RBFOX1: variants seen among roughly 807,000 people sequenced by gnomAD.
RBFOX1 encodes the protein RNA binding protein fox-1 homolog 1.
In RBFOX1, 8 loss-of-function variants were observed where a neutral mutation model predicts 57.7. The observed-to-expected ratio is 0.14, with a 90% confidence interval of 0.08 to 0.25. RBFOX1 has a LOEUF of 0.25. RBFOX1 is among the 10% of genes least tolerant of loss of function. RBFOX1 has a pLI of 1.00. For synonymous variants in RBFOX1, 326 were observed against 222.4 expected (o/e 1.47, Z -4.15); for missense variants, 611 against 548.5 (o/e 1.11, Z -1.14).
chr16:5,514,191 G>T (rs1421170104), intron 2 of RBFOX1, among the ~76,000 whole-genome samples: 1 of 152,156 alleles, frequency 6.6e-6, no homozygotes, highest in Non-Finnish European at 1.5e-5. Flanking sequence ...TGGCAATCCT[G>T]CTGGCTTGAC....
rs555562584 is a variant in RBFOX1 at position 5,243,279 on chromosome 16, C to T, written c.219+3174C>T. ...AGATTTCTGTGTTGTCAGGTGGAAC[C>T]GAGCATTCAAGGGTAATAACTCACT... is the stretch of plus-strand genomic sequence containing the variant. On this transcript the variant is annotated intron_variant, in intron 1 of 2. Transcript: ENST00000585867. 5.9e-5 allele frequency among the ~76,000 whole-genome samples: 9 copies of T among 152,232 alleles called. No homozygotes were observed. The South Asian group carries it at 1.9e-3, about 32-fold the overall frequency.
At chr16:5,501,839 A>G (rs1408804851) in intron 2 of RBFOX1, among the ~76,000 whole-genome samples, 2 of 152,038 alleles carry the variant, frequency 1.3e-5, no homozygotes, top group Non-Finnish European at 2.9e-5. Flanking sequence ...TCAGCCTCCC[A>G]GTACATGCTG....
intron 4 of RBFOX1, among the ~76,000 whole-genome samples, chr16:7,354,893 GATTAA>G (rs2097187946): frequency 1.3e-5 from 2 of 152,302 alleles, no homozygotes; most frequent in Non-Finnish European, 2.9e-5. Flanking sequence ...TATGCTAAAA[GATTAA>G]ATTAATTGTA....
intron 4 of RBFOX1, among the ~76,000 whole-genome samples, chr16:7,470,683 G>C (rs1261841807): frequency 6.6e-6 from 1 of 152,132 alleles, no homozygotes; most frequent in African/African-American, 2.4e-5. Flanking sequence ...TGGTTAGATG[G>C]AAGAGTGGAT....
intron 1 of RBFOX1, among the ~76,000 whole-genome samples, chr16:6,309,747 G>T (rs569154082): frequency 6.6e-6 from 1 of 151,996 alleles, no homozygotes. Flanking sequence ...GAGGCTGGGA[G>T]GAACAGAAGC....
intron 3 of RBFOX1, among the ~76,000 whole-genome samples, chr16:5,786,243 CCT>C (rs1226972186): frequency 6.6e-6 from 1 of 152,166 alleles, no homozygotes; most frequent in Non-Finnish European, 1.5e-5. Flanking sequence ...TCTACTCCTT[CCT>C]CTCTTGCTCC....
chr16:7,423,010 G>C (rs368032987), intron 4 of RBFOX1: 1 of 152,036 alleles, frequency 6.6e-6, no homozygotes, highest in South Asian at 2.1e-4. Flanking sequence ...ACCTCGTGCC[G>C]GCTGGCTTCA....
chr16:5,731,910 C>G (rs1022711916), intron 3 of RBFOX1, among the ~76,000 whole-genome samples: 2 of 152,150 alleles, frequency 1.3e-5, no homozygotes, highest in African/African-American at 4.8e-5. Flanking sequence ...AGCCTATTAT[C>G]TTGTCTGTTC....
chr16:7,508,361 T>C (rs551727199), intron 4 of RBFOX1, among the ~76,000 whole-genome samples: 3 of 152,294 alleles, frequency 2.0e-5, no homozygotes, highest in Admixed American at 6.5e-5. Flanking sequence ...ATTGTCCGTC[T>C]TGGTCTTGTC....
At chr16:5,745,519 C>T (rs2052943582) in intron 3 of RBFOX1, among the ~76,000 whole-genome samples, 1 of 152,236 alleles carries the variant, frequency 6.6e-6, no homozygotes, top group Admixed American at 6.5e-5. Context: ...AATCGCCTTA[C>T]TGTCTTCCAC....
chr16:6,603,364 G>T (rs1446817667), intron 2 of RBFOX1, among the ~76,000 whole-genome samples: 1 of 152,158 alleles, frequency 6.6e-6, no homozygotes, highest in Non-Finnish European at 1.5e-5. Context: ...ACAACTAAAG[G>T]ATTTAAGGGA....
intron 4 of RBFOX1, among the ~76,000 whole-genome samples, chr16:5,883,544 C>G (rs941051109): frequency 6.6e-6 from 1 of 152,076 alleles, no homozygotes; most frequent in Non-Finnish European, 1.5e-5. Flanking sequence ...CAACGTTGGA[C>G]TGCTCTAATT....
At chr16:5,259,911 A>G (rs2062691118) in intron 1 of RBFOX1, among the ~76,000 whole-genome samples, 1 of 152,076 alleles carries the variant, frequency 6.6e-6, no homozygotes, top group Non-Finnish European at 1.5e-5. Flanking sequence ...GTAAAAGTGT[A>G]AGTGAGGAGG....
chr16:6,559,619 C>T (rs1194987793), intron 2 of RBFOX1, among the ~76,000 whole-genome samples: 2 of 84,580 alleles, frequency 2.4e-5, no homozygotes, highest in Non-Finnish European at 5.5e-5. Context: ...TATATACATA[C>T]ATACATGTAT....
chr16:6,124,031 G>T (rs2096570680), intron 1 of RBFOX1, among the ~76,000 whole-genome samples: 1 of 152,210 alleles, frequency 6.6e-6, no homozygotes, highest in Non-Finnish European at 1.5e-5. Context: ...TTCATGGGGG[G>T]CTCATTGGTT....
chr16:6,413,736 A>G (rs1019784337), intron 2 of RBFOX1, among the ~76,000 whole-genome samples: 11 of 152,204 alleles, frequency 7.2e-5, no homozygotes, highest in Non-Finnish European at 2.9e-5. Flanking sequence ...ATGAAGGTTT[A>G]TCTTTTGATA....
intron 4 of RBFOX1, among the ~76,000 whole-genome samples, chr16:7,377,200 C>A (rs1185124018): frequency 6.6e-6 from 1 of 152,148 alleles, no homozygotes; most frequent in African/African-American, 2.4e-5. Flanking sequence ...TGACTTTGTT[C>A]TATTCCATTC....
chr16:6,565,497 T>A (rs1205726367), intron 2 of RBFOX1, among the ~76,000 whole-genome samples: 1 of 151,106 alleles, frequency 6.6e-6, no homozygotes, highest in African/African-American at 2.4e-5. Flanking sequence ...GACCTCGTGA[T>A]CCACCTGCTT....
At chr16:6,208,337 C>A (rs1322480589) in intron 1 of RBFOX1, among the ~76,000 whole-genome samples, 1 of 151,952 alleles carries the variant, frequency 6.6e-6, no homozygotes, top group Non-Finnish European at 1.5e-5. Flanking sequence ...ACACCTATTG[C>A]ATTGAGGGAA....
Sources: allele counts gnomAD v4.1 joint callset (sites outside exome capture counted in the v4.1 genomes callset), GRCh38; gene constraint gnomAD v4.1.1; transcripts MANE v1.5; gene names NCBI Gene and HGNC (gene_info 2026-07-23, HGNC 2026-07-21).